Variants in CHRM2 observed in about 807,000 individuals in gnomAD.
CHRM2 encodes muscarinic acetylcholine receptor M2.
A neutral mutation model predicts 25.0 loss-of-function variants in CHRM2; 8 were observed. The observed-to-expected ratio is 0.32, with a 90% confidence interval of 0.19 to 0.58. CHRM2 has a LOEUF of 0.58. CHRM2 is among the 20% of genes least tolerant of loss of function. The pLI is 0.88. For synonymous variants in CHRM2, 202 were observed against 205.7 expected, an observed-to-expected ratio of 0.98 and a Z score of 0.15; for missense variants, 440 against 567.1, an observed-to-expected ratio of 0.78 and a Z score of 2.28.
intron 2 of CHRM2, among the ~76,000 whole-genome samples, chr7:136,980,979 C>G (rs1802448572): frequency 6.6e-6 from 1 of 152,162 alleles, no homozygotes. Context: ...GGAGGACTCC[C>G]TCTTTTAATA....
At chr7:136,934,707 T>C (rs1220979343) in intron 2 of CHRM2, among the ~76,000 whole-genome samples, 3 of 152,220 alleles carry the variant, frequency 2.0e-5, no homozygotes, top group African/African-American at 7.2e-5. Flanking sequence ...AATTAAACTG[T>C]CATTATTTAT....
At chr7:137,004,551 G>C (rs559853045) in intron 3 of CHRM2, among the ~76,000 whole-genome samples, 6 of 152,138 alleles carry the variant, frequency 3.9e-5, no homozygotes, top group African/African-American at 1.4e-4. Flanking sequence ...CTTCGGAAGA[G>C]AGGGTGGGCA....
In CHRM2 at chr7:137,006,427, T is replaced by C. The variant is rs938705712; in HGVS notation, c.-46-8393T>C. 2.6e-5 allele frequency among the ~76,000 whole-genome samples: 4 copies of C among 152,182 alleles called. No homozygotes were observed. In the East Asian group the frequency reaches 5.8e-4, roughly 22 times the overall value. Reference sequence around the variant, plus strand: ...GATGTGTTTTGAAGAGGAGAAAAGATAGCTTGGCTGACATGGAGTGGAAGT... The same window carrying C: ...GATGTGTTTTGAAGAGGAGAAAAGACAGCTTGGCTGACATGGAGTGGAAGT... On this transcript the variant is annotated intron_variant, in intron 3 of 3. Coordinates refer to ENST00000680005, the MANE Select transcript of CHRM2 (RefSeq NM_001006630.2).
intron 2 of CHRM2, among the ~76,000 whole-genome samples, chr7:136,905,756 T>A (rs1797502108): frequency 6.6e-6 from 1 of 151,574 alleles, no homozygotes; most frequent in African/African-American, 2.4e-5. Flanking sequence ...TCTTTTTTTG[T>A]GGTTTTATTA....
rs539826495 is a variant in CHRM2 at position 136,869,957 on chromosome 7, C to A, written c.-125+539C>A. 1 of 152,594 alleles carries A rather than the reference C, an allele frequency of 6.6e-6. No individual in the cohort carries two copies. The highest frequency in any genetic ancestry group is 2.4e-5 in the African/African-American group (1 of 41,600). 9.5% of individuals were successfully genotyped at this position (152,594 alleles called of 1,614,324 possible). A position where few individuals can be genotyped will look rare whatever the true frequency, so the allele number is the denominator to read the frequency against. On this transcript the variant is annotated intron_variant, in intron 2 of 3. Transcript: ENST00000680005. The surrounding 1 kb of genome is among the most constrained non-coding windows in gnomAD (Gnocchi z 4.9). ...CCCCGGCTCCGCTTTCGGAGCAGCC[C>A]TTGGGCGCTGGAGAGGTTTCCCATT...
intron 2 of CHRM2, among the ~76,000 whole-genome samples, chr7:136,944,477 G>A (rs62485256): frequency 4.5e-5 from 4 of 88,330 alleles, no homozygotes; most frequent in Non-Finnish European, 9.2e-5. Flanking sequence ...GTATGTATGT[G>A]TGTGTGTGTG....
At chr7:137,010,369 CT>C (rs1429237965) in intron 3 of CHRM2, among the ~76,000 whole-genome samples, 1 of 152,188 alleles carries the variant, frequency 6.6e-6, no homozygotes, top group African/African-American at 2.4e-5. Context: ...ACCAAATGGG[CT>C]ATTGCTATAC....
intron 3 of CHRM2, among the ~76,000 whole-genome samples, chr7:137,009,436 G>T (rs1804662177): frequency 6.6e-6 from 1 of 152,002 alleles, no homozygotes; most frequent in African/African-American, 2.4e-5. Flanking sequence ...ATTTTCATGT[G>T]CAGAACCCTA....
At chr7:136,994,333 T>C (rs1008706414) in intron 3 of CHRM2, among the ~76,000 whole-genome samples, 2 of 152,190 alleles carry the variant, frequency 1.3e-5, no homozygotes, top group Non-Finnish European at 2.9e-5. Context: ...ATATGAAAGT[T>C]ATTTCTGAGT....
intron 2 of CHRM2, among the ~76,000 whole-genome samples, chr7:136,953,147 C>T (rs898359296): frequency 5.3e-5 from 8 of 152,094 alleles, no homozygotes; most frequent in Middle Eastern, 3.2e-3. Context: ...TTTGAGGAAT[C>T]GCCACACTGT....
At chr7:136,888,904 C>T (rs1447464980) in intron 2 of CHRM2, among the ~76,000 whole-genome samples, 7 of 151,700 alleles carry the variant, frequency 4.6e-5, no homozygotes, top group South Asian at 2.1e-4. Context: ...AAAAATTAGC[C>T]GGGCGTGGTG....
chr7:136,932,247 C>A (rs529627031), intron 2 of CHRM2, among the ~76,000 whole-genome samples: 1 of 152,176 alleles, frequency 6.6e-6, no homozygotes, highest in Non-Finnish European at 1.5e-5. Flanking sequence ...ACTAATGAAA[C>A]TGACTAAGGA....
intron 2 of CHRM2, among the ~76,000 whole-genome samples, chr7:136,968,554 A>G (rs1384107240): frequency 6.6e-6 from 1 of 151,870 alleles, no homozygotes; most frequent in Non-Finnish European, 1.5e-5. Context: ...TAATATCAGT[A>G]TGTTGAAGAG....
At chr7:136,938,791 A>G (rs1009838735) in intron 2 of CHRM2, among the ~76,000 whole-genome samples, 9 of 152,022 alleles carry the variant, frequency 5.9e-5, no homozygotes, top group African/African-American at 2.2e-4. Flanking sequence ...ACCCACCTGA[A>G]GCTCAGCCCT....
intron 2 of CHRM2, among the ~76,000 whole-genome samples, chr7:136,957,948 TTAAAAAC>T (rs1800821245): frequency 6.6e-6 from 1 of 152,232 alleles, no homozygotes; most frequent in South Asian, 2.1e-4. Context: ...AGCTAGAAGT[TTAAAAAC>T]TAAATATTTA....
At chr7:136,957,535 G>C (rs538391811) in intron 2 of CHRM2, among the ~76,000 whole-genome samples, 1 of 151,834 alleles carries the variant, frequency 6.6e-6, no homozygotes, top group South Asian at 2.1e-4. Context: ...AAAAATACCA[G>C]CTTATTCTTT....
chr7:137,009,928 T>TACACAC (rs1435590258), intron 3 of CHRM2, among the ~76,000 whole-genome samples: 1 of 151,952 alleles, frequency 6.6e-6, no homozygotes, highest in African/African-American at 2.4e-5. Context: ...AGATAGCTGA[T>TACACAC]ACACACACAT....
chr7:136,963,767 T>C (rs533311033), intron 2 of CHRM2, among the ~76,000 whole-genome samples: 3 of 152,148 alleles, frequency 2.0e-5, no homozygotes, highest in African/African-American at 4.8e-5. Context: ...AAATCACTTA[T>C]GTGAAACCTG....
At chr7:136,964,182 CA>C (rs1263454880) in intron 2 of CHRM2, among the ~76,000 whole-genome samples, 4 of 150,540 alleles carry the variant, frequency 2.7e-5, no homozygotes, top group Non-Finnish European at 4.4e-5. Flanking sequence ...ATATAATTTT[CA>C]AAAAAAATTA....
Sources: gnomAD v4.1 joint callset for allele counts (sites outside exome capture counted in the v4.1 genomes callset) on GRCh38, gnomAD v4.1.1 for gene constraint, Gnocchi (gnomAD v3.1) non-coding constraint, MANE v1.5 for transcripts, NCBI Gene and HGNC (gene_info 2026-07-23, HGNC 2026-07-21) for gene names.